The following MYO16 variants were observed in gnomAD, a reference collection of about 807,000 sequenced individuals.
The protein encoded by MYO16 is myosin XVI, also known as unconventional myosin-XVI.
A neutral mutation model predicts 205.3 loss-of-function variants in MYO16; 94 were observed. The ratio of observed to expected loss-of-function variants is 0.46; its 90% CI spans 0.39 to 0.54. The LOEUF (loss-of-function observed/expected upper bound fraction) is 0.54, where lower values mean the gene tolerates loss of function less well. MYO16 is among the 20% of genes least tolerant of loss of function. The pLI is 0.00. For missense variants in MYO16, 2,315 were observed against 2,387.5 expected (o/e 0.97, Z 0.63); for synonymous variants, 988 against 954.0 (o/e 1.04, Z -0.66).
At chr13:109,107,443 T>A (rs997612840) in intron 28 of MYO16, among the ~76,000 whole-genome samples, 1 of 152,166 alleles carries the variant, frequency 6.6e-6, no homozygotes, top group Non-Finnish European at 1.5e-5. Flanking sequence ...ATCAGTTGGA[T>A]GAAGGTTTTA....
chr13:109,114,772 C>T (rs9514981), intron 28 of MYO16, among the ~76,000 whole-genome samples: 17,289 of 152,180 alleles, frequency 0.11, 1,181 homozygotes, highest in Non-Finnish European at 0.16. Context: ...ACCATGTGAC[C>T]TGAGCTTTCT....
the MYO16 span, among the ~76,000 whole-genome samples, chr13:108,534,567 T>C: frequency 2.7e-3 from 403 of 152,056 alleles, 3 homozygotes; most frequent in African/African-American, 9.0e-3. Flanking sequence ...TTTCCAATTC[T>C]ACCCAGGAAG....
chr13:108,840,794 C>T (rs762179742), intron 9 of MYO16, among the ~76,000 whole-genome samples: 2 of 152,054 alleles, frequency 1.3e-5, no homozygotes, highest in Non-Finnish European at 2.9e-5. Flanking sequence ...CAGTCAGCCT[C>T]GGCATTTTAA....
intron 27 of MYO16, among the ~76,000 whole-genome samples, chr13:109,098,211 G>A (rs762977358): frequency 5.3e-5 from 8 of 152,138 alleles, no homozygotes; most frequent in African/African-American, 9.7e-5. Flanking sequence ...AAGTAATTGC[G>A]GTTCAGGCGT....
intron 4 of MYO16, among the ~76,000 whole-genome samples, chr13:108,783,720 C>T (rs777808984): frequency 1.3e-5 from 2 of 152,102 alleles, no homozygotes; most frequent in African/African-American, 2.4e-5. Flanking sequence ...ATGCTATTCT[C>T]GTGATAGTGA....
intron 6 of MYO16, 65 bp downstream of exon 6, chr13:108,793,705 A>G: frequency 1.4e-6 from 2 of 1,460,764 alleles, no homozygotes; most frequent in Middle Eastern, 1.9e-4. Context: ...TATAAAACAT[A>G]GAATTCATTA....
chr13:108,544,975 A>T, the MYO16 span, among the ~76,000 whole-genome samples: 1 of 151,424 alleles, frequency 6.6e-6, no homozygotes, highest in Non-Finnish European at 1.5e-5. Flanking sequence ...ATTGTGTATA[A>T]GTACCACATT....
At chr13:109,021,172 T>G (rs897011234) in intron 23 of MYO16, among the ~76,000 whole-genome samples, 1 of 152,166 alleles carries the variant, frequency 6.6e-6, no homozygotes, top group Non-Finnish European at 1.5e-5. Flanking sequence ...CCATTCTACC[T>G]ATTTAAGTAG....
intron 1 of MYO16, among the ~76,000 whole-genome samples, chr13:108,602,754 G>T (rs534437534): frequency 4.6e-5 from 7 of 152,244 alleles, no homozygotes; most frequent in Non-Finnish European, 8.8e-5. Context: ...CATATTTGTA[G>T]AAGAATCTTC....
chr13:108,955,956 C>T (rs1883332494), intron 16 of MYO16, among the ~76,000 whole-genome samples: 1 of 152,138 alleles, frequency 6.6e-6, no homozygotes, highest in South Asian at 2.1e-4. Flanking sequence ...CTTTCCTCAG[C>T]CCTAATTCCA....
Position 108,838,690 on chromosome 13 carries a change from T to TATATAC in MYO16, c.1098-5652_1098-5651insTATACA, listed in dbSNP as rs1487944143. On this transcript the variant is annotated intron_variant, in intron 9 of 34. Transcript: ENST00000457511. ...CAAAAAAAAAAAAAATATATATATA[T>TATATAC]ACACACACACACACACACACTATAC... 3.9e-3 allele frequency among the ~76,000 whole-genome samples: 535 copies of TATATAC among 135,930 alleles called. 8 individuals carry two copies. Among genetic ancestry groups the TATATAC allele is most frequent in the African/African-American group, 0.012 (446 of 35,820 alleles). 89.2% of individuals were successfully genotyped at this position (135,930 alleles called of 152,430 possible).
intron 10 of MYO16, 72 bp downstream of exon 10, chr13:108,844,565 T>C: frequency 1.4e-6 from 2 of 1,422,242 alleles, no homozygotes; most frequent in Non-Finnish European, 1.9e-6. Context: ...ATCCAACATA[T>C]TTCAAAAACA....
chr13:109,138,503 TTTAAAC>T (rs551102738), intron 31 of MYO16, among the ~76,000 whole-genome samples: 88 of 152,320 alleles, frequency 5.8e-4, no homozygotes, highest in African/African-American at 2.0e-3. Flanking sequence ...TTTCAATTGT[TTTAAAC>T]TTATATTTAA....
chr13:108,764,719 G>C (rs1885722980), intron 4 of MYO16, among the ~76,000 whole-genome samples: 1 of 152,142 alleles, frequency 6.6e-6, no homozygotes, highest in Non-Finnish European at 1.5e-5. Context: ...TTACTCAGTA[G>C]ACTTCCTTGT....
At chr13:109,175,611 A>G (rs1009543232) in intron 33 of MYO16, among the ~76,000 whole-genome samples, 4 of 152,148 alleles carry the variant, frequency 2.6e-5, no homozygotes, top group African/African-American at 7.2e-5. Flanking sequence ...GAAGCACACT[A>G]TTGCCCTGGA....
chr13:108,635,430 A>G (rs2139364804), intron 1 of MYO16, among the ~76,000 whole-genome samples: 1 of 151,920 alleles, frequency 6.6e-6, no homozygotes, highest in East Asian at 1.9e-4. Flanking sequence ...TTACTTATCA[A>G]TTTCATGTAA....
the MYO16 span, among the ~76,000 whole-genome samples, chr13:108,582,807 C>T: frequency 6.6e-6 from 1 of 152,052 alleles, no homozygotes; most frequent in Admixed American, 6.6e-5. Context: ...TTAAGGCACA[C>T]GGGCTGGGTT....
intron 33 of MYO16, chr13:109,166,557 T>A (rs79514946): frequency 6.6e-6 from 1 of 152,174 alleles, no homozygotes; most frequent in Non-Finnish European, 1.5e-5. Flanking sequence ...GTGAGAAATG[T>A]TAGAGCATCT....
rs537810828 is a variant in MYO16, at chr13:109,041,002, G to A, written c.2797-5914G>A. ...AAGGAAAGACTCAAAGAACTAATAA[G>A]TGAGTTTAGCAAGGTCACAAGACAC... On this transcript the variant is annotated intron_variant, in intron 23 of 34. Transcript: ENST00000457511. Among the ~76,000 whole-genome samples the A allele has an allele frequency of 5.9e-5, 9 of 152,208 alleles. No individual in the cohort carries two copies. The East Asian group carries it at 1.7e-3, about 29-fold the overall frequency.
Sources: gnomAD v4.1 joint callset for allele counts (sites outside exome capture counted in the v4.1 genomes callset) on GRCh38, gnomAD v4.1.1 for gene constraint, MANE v1.5 for transcripts, NCBI Gene and HGNC (gene_info 2026-07-23, HGNC 2026-07-21) for gene names.